The following MAML2 variants were observed in gnomAD, a reference collection of about 807,000 sequenced individuals.
The protein encoded by MAML2 is mastermind-like protein 2.
Under a neutral mutation model 96.1 loss-of-function variants are expected in MAML2, and 22 were observed. That is an observed-to-expected ratio of 0.23 (90% confidence interval 0.16 to 0.33). MAML2 has a LOEUF of 0.33. Among genes scored for constraint, MAML2 ranks in the 10% least tolerant of loss-of-function variants. MAML2 has a pLI of 1.00. For missense variants in MAML2, 1,367 were observed against 1,392.4 expected (o/e 0.98, Z 0.29); for synonymous variants, 561 against 521.3 (o/e 1.08, Z -1.04).
chr11:96,337,312 A>C (rs538651361), intron 1 of MAML2, among the ~76,000 whole-genome samples: 1 of 152,310 alleles, frequency 6.6e-6, no homozygotes, highest in African/African-American at 2.4e-5. Flanking sequence ...TACAGCTCTC[A>C]ACTTTTTAAT....
Position 96,343,083 on chromosome 11 carries a change from C to A in MAML2, c.-1188G>T, listed in dbSNP as rs1864022669. Reference sequence around the variant, plus strand: ...AAAAAAGTAGCTTGTATTTTCCTTTCTCTTTCTCGTCTGTTGTTAGCCGCT... The same window carrying A: ...AAAAAAGTAGCTTGTATTTTCCTTTATCTTTCTCGTCTGTTGTTAGCCGCT... On this transcript the variant is annotated 5_prime_UTR_variant, in exon 1 of 5. Transcript: ENST00000524717. The A allele has an allele frequency of 2.5e-6, 1 of 398,608 alleles. No homozygotes were observed. The highest frequency in any genetic ancestry group is 3.6e-5 in the East Asian group (1 of 28,084). 24.7% of individuals were successfully genotyped at this position (398,608 alleles called of 1,614,324 possible).
intron 2 of MAML2, among the ~76,000 whole-genome samples, chr11:96,055,568 A>G (rs1319086384): frequency 6.6e-6 from 1 of 152,248 alleles, no homozygotes; most frequent in Non-Finnish European, 1.5e-5. Flanking sequence ...CTAACGTTTA[A>G]TGACACCTTT....
At chr11:96,111,350 T>C (rs1860120928) in intron 1 of MAML2, among the ~76,000 whole-genome samples, 1 of 152,174 alleles carries the variant, frequency 6.6e-6, no homozygotes, top group African/African-American at 2.4e-5. Context: ...CCTAGCAAAT[T>C]CACTGCTTCA....
Position 96,092,554 on chromosome 11 carries a change from G to T in MAML2, c.1477C>A (p.Gln493Lys). 1 of 1,604,136 alleles carries T rather than the reference G, an allele frequency of 6.2e-7. No homozygotes were observed. Among genetic ancestry groups the T allele is most frequent in the Non-Finnish European group, 8.5e-7 (1 of 1,173,428 alleles). The change falls in exon 2 of 5, where the codon CAG becomes AAG. Residue 493 changes from glutamine to lysine, a missense_variant. Coordinates refer to ENST00000524717, the MANE Select transcript of MAML2 (RefSeq NM_032427.4). This position sits in a 1 kb window ranked among gnomAD's most constrained non-coding sequence, Gnocchi z 4.1. Reference protein sequence around the residue: ...PSFGQQTFSPQSSPMPGVAGG... With the variant: ...PSFGQQTFSPKSSPMPGVAGG... ...GCTACCCCAGGCATGGGGGAGCTCTGTGGGCTGAATGTCTGCTGACCAAAA... is the reference window on the plus strand; with the variant it reads ...GCTACCCCAGGCATGGGGGAGCTCTTTGGGCTGAATGTCTGCTGACCAAAA...
At chr11:96,252,930 G>A (rs968383820) in intron 1 of MAML2, among the ~76,000 whole-genome samples, 1 of 152,182 alleles carries the variant, frequency 6.6e-6, no homozygotes, top group African/African-American at 2.4e-5. Context: ...GGCGTAATGG[G>A]ATCCCATCTC....
chr11:96,207,820 T>C (rs1161680709), intron 1 of MAML2, among the ~76,000 whole-genome samples: 1 of 152,250 alleles, frequency 6.6e-6, no homozygotes, highest in East Asian at 1.9e-4. Context: ...TTTACTGTTT[T>C]TAAGATCTAT....
At position 96,252,467 on chromosome 11, in the gene MAML2, C is replaced by T. The variant is rs540032222; in HGVS notation, c.513+88916G>A. 1.3e-4 allele frequency among the ~76,000 whole-genome samples: 18 copies of T among 143,862 alleles called. No homozygotes were observed. In the South Asian group the frequency reaches 1.5e-3, roughly 12 times the overall value. The allele number at this position is 143,862 out of a possible 152,430, so 94.4% of individuals were successfully genotyped here. A position where few individuals can be genotyped will look rare whatever the true frequency, so the allele number is the denominator to read the frequency against. ...TTTGACCTGGAGTCTCGCTCTGTCA[C>T]GAGGCTGGAGTGCAGTGGAGCGATC... On this transcript the variant is annotated intron_variant, in intron 1 of 4. Transcript: ENST00000524717.
At chr11:96,014,088 T>C (rs548873661) in intron 2 of MAML2, among the ~76,000 whole-genome samples, 4 of 152,174 alleles carry the variant, frequency 2.6e-5, no homozygotes, top group African/African-American at 9.6e-5. Context: ...GTATGTATGC[T>C]CCCTTAGAGG....
chr11:96,197,748 T>C (rs1861752189), intron 1 of MAML2, among the ~76,000 whole-genome samples: 1 of 152,120 alleles, frequency 6.6e-6, no homozygotes, highest in African/African-American at 2.4e-5. Flanking sequence ...AAATAAGCAA[T>C]TGCAGCAATT....
intron 1 of MAML2, among the ~76,000 whole-genome samples, chr11:96,123,548 G>A (rs1238644448): frequency 6.6e-6 from 1 of 152,198 alleles, no homozygotes; most frequent in East Asian, 1.9e-4. Context: ...CGGTGCTTCC[G>A]TCCTGTACAG....
At chr11:96,047,929 A>AG (rs1565199093) in intron 2 of MAML2, among the ~76,000 whole-genome samples, 3 of 150,700 alleles carry the variant, frequency 2.0e-5, no homozygotes, top group Non-Finnish European at 4.4e-5. Context: ...AAAAAAAAAA[A>AG]AAAAAGAAAA....
At chr11:96,083,743 G>A (rs1021325238) in intron 2 of MAML2, among the ~76,000 whole-genome samples, 8 of 152,196 alleles carry the variant, frequency 5.3e-5, no homozygotes, top group African/African-American at 1.2e-4. Context: ...CTGCAACATA[G>A]TAGATGTGTT....
At position 96,045,918 on chromosome 11, in the gene MAML2, T is replaced by TCCC. The variant is rs1555001104; in HGVS notation, c.2139+45971_2139+45973dup. 3.7e-3 allele frequency among the ~76,000 whole-genome samples: 558 copies of TCCC among 150,558 alleles called. 4 individuals are homozygous for TCCC. The highest frequency in any genetic ancestry group is 0.021 in the South Asian group (99 of 4,764). On this transcript the variant is annotated intron_variant, in intron 2 of 4. Transcript: ENST00000524717. The stretch of plus-strand genomic sequence containing the variant: ...CACACTTCTGTTTTTTTTTTTTTTT[T>TCCC]CCCCCATTCCTGTTATTGTTTTTGG...
intron 1 of MAML2, among the ~76,000 whole-genome samples, chr11:96,310,228 A>C (rs1243530293): frequency 6.6e-6 from 1 of 152,214 alleles, no homozygotes; most frequent in African/African-American, 2.4e-5. Context: ...GTCAGAAGCT[A>C]AAGGTTATTT....
intron 2 of MAML2, among the ~76,000 whole-genome samples, chr11:96,047,910 CAAAAAAAAAAAAAAAA>C (rs71459784): frequency 1.2e-5 from 1 of 82,476 alleles, no homozygotes; most frequent in African/African-American, 4.4e-5. Flanking sequence ...GACTCTGCCT[CAAAAAAAAAAAAAAAA>C]AAAAAAAAGA....
At chr11:96,220,762 G>A (rs1191198282) in intron 1 of MAML2, among the ~76,000 whole-genome samples, 1 of 151,806 alleles carries the variant, frequency 6.6e-6, no homozygotes, top group Non-Finnish European at 1.5e-5. Flanking sequence ...AAAAATACAA[G>A]TTTCAAATAC....
At chr11:96,123,348 C>T (rs1860382852) in intron 1 of MAML2, among the ~76,000 whole-genome samples, 2 of 151,810 alleles carry the variant, frequency 1.3e-5, no homozygotes, top group South Asian at 2.1e-4. Context: ...GGTGACAGCT[C>T]CTCCAGGTCA....
At chr11:96,196,086 C>G (rs1861726352) in intron 1 of MAML2, among the ~76,000 whole-genome samples, 1 of 152,092 alleles carries the variant, frequency 6.6e-6, no homozygotes, top group Non-Finnish European at 1.5e-5. Flanking sequence ...AGAAACTGAA[C>G]ATTTAAAAAA....
intron 1 of MAML2, among the ~76,000 whole-genome samples, chr11:96,159,041 G>A (rs561560250): frequency 6.6e-6 from 1 of 152,298 alleles, no homozygotes; most frequent in South Asian, 2.1e-4. Flanking sequence ...GATTTGCAAG[G>A]AATCCCTGAA....
Sources: gnomAD v4.1 joint callset for allele counts (sites outside exome capture counted in the v4.1 genomes callset) on GRCh38, gnomAD v4.1.1 for gene constraint, Gnocchi (gnomAD v3.1) non-coding constraint, MANE v1.5 for transcripts, NCBI Gene and HGNC (gene_info 2026-07-23, HGNC 2026-07-21) for gene names.